The following TFDP2 variants were observed in gnomAD, a reference collection of about 807,000 sequenced individuals.
The protein encoded by TFDP2 is transcription factor Dp-2 (E2F dimerization partner 2).
TFDP2 carries 17 observed loss-of-function variants against 59.3 expected under a neutral mutation model. The observed-to-expected ratio is 0.29, with a 90% CI of 0.20 to 0.43. The LOEUF (loss-of-function observed/expected upper bound fraction) is 0.43, where lower values mean the gene tolerates loss of function less well. TFDP2 is among the 20% of genes least tolerant of loss of function. The pLI is 1.00. For synonymous variants in TFDP2, 180 were observed against 194.7 expected (o/e 0.92, Z 0.63); for missense variants, 391 against 528.8 (o/e 0.74, Z 2.56).
chr3:142,025,315 A>G (rs752563885), intron 3 of TFDP2, among the ~76,000 whole-genome samples: 5 of 152,222 alleles, frequency 3.3e-5, no homozygotes, highest in Non-Finnish European at 7.3e-5. Context: ...TTGACCACAC[A>G]TTCAATAATT....
At chr3:142,086,643 G>A (rs55871523) in intron 3 of TFDP2, among the ~76,000 whole-genome samples, 12,929 of 152,090 alleles carry the variant, frequency 0.085, 680 homozygotes, top group Middle Eastern at 0.14. Flanking sequence ...GTTGGGGTGT[G>A]CCACCCTCCT....
intron 3 of TFDP2, among the ~76,000 whole-genome samples, chr3:142,075,734 GAAAAAA>G (rs530375441): frequency 1.1e-4 from 5 of 45,520 alleles, no homozygotes; most frequent in African/African-American, 3.0e-4. Context: ...TGTCTCTACA[GAAAAAA>G]AAAAAAAAAA....
At chr3:141,965,753 G>A (rs1408124058) in intron 9 of TFDP2, among the ~76,000 whole-genome samples, 2 of 151,934 alleles carry the variant, frequency 1.3e-5, no homozygotes, top group Non-Finnish European at 2.9e-5. Flanking sequence ...ACCTAAGTGT[G>A]TCCAAAAATC....
At chr3:141,957,738 A>G (rs1433822120) in intron 11 of TFDP2, among the ~76,000 whole-genome samples, 1 of 152,238 alleles carries the variant, frequency 6.6e-6, no homozygotes, top group Admixed American at 6.5e-5. Flanking sequence ...GTAGGGTTCC[A>G]TTCACATAAA....
intron 3 of TFDP2, among the ~76,000 whole-genome samples, chr3:142,020,496 T>C (rs895636302): frequency 3.4e-5 from 5 of 148,628 alleles, no homozygotes; most frequent in African/African-American, 5.0e-5. Context: ...GATGGTGCCA[T>C]TGCACTCCAG....
At chr3:142,114,148 A>G (rs1195426640) in intron 1 of TFDP2, among the ~76,000 whole-genome samples, 1 of 151,996 alleles carries the variant, frequency 6.6e-6, no homozygotes, top group Non-Finnish European at 1.5e-5. Flanking sequence ...CCGGGCGACA[A>G]AGCGAGAATC....
At chr3:142,003,481 T>C (rs770481299) in intron 4 of TFDP2, among the ~76,000 whole-genome samples, 3 of 152,212 alleles carry the variant, frequency 2.0e-5, no homozygotes, top group Non-Finnish European at 2.9e-5. Flanking sequence ...GAAGCCCTCA[T>C]AGCTTAATCA....
intron 3 of TFDP2, among the ~76,000 whole-genome samples, chr3:142,061,891 C>CTCT (rs2059924106): frequency 0.027 from 148 of 5,420 alleles, 1 homozygote; most frequent in Non-Finnish European, 0.044. Context: ...TCTCTCTCTA[C>CTCT]ACACACACAC....
At chr3:142,029,473 TA>T (rs11349310) in intron 3 of TFDP2, among the ~76,000 whole-genome samples, 6,879 of 144,970 alleles carry the variant, frequency 0.047, 165 homozygotes, top group South Asian at 0.074. Flanking sequence ...GGTTTTTTTT[TA>T]AATGACTAAT....
chr3:141,972,597 T>C (rs1291442382), intron 8 of TFDP2, among the ~76,000 whole-genome samples: 1 of 152,162 alleles, frequency 6.6e-6, no homozygotes, highest in Non-Finnish European at 1.5e-5. Context: ...TCCCCACCCT[T>C]ATCCACTTGG....
intron 3 of TFDP2, among the ~76,000 whole-genome samples, chr3:142,027,717 A>G (rs996063755): frequency 4.6e-5 from 7 of 152,250 alleles, no homozygotes; most frequent in Non-Finnish European, 7.3e-5. Flanking sequence ...CTTCAAGGGT[A>G]TAATTGAAAT....
intron 7 of TFDP2, among the ~76,000 whole-genome samples, 176 bp downstream of exon 7, chr3:141,978,344 A>G (rs1243535987): frequency 7.7e-6 from 1 of 129,944 alleles, no homozygotes; most frequent in African/African-American, 3.2e-5. Flanking sequence ...GGTTCCGCCT[A>G]AAAAACAAAA....
chr3:142,037,426 A>G (rs906950952), intron 3 of TFDP2, among the ~76,000 whole-genome samples: 1 of 152,202 alleles, frequency 6.6e-6, no homozygotes, highest in African/African-American at 2.4e-5. Context: ...CTTTTATTAT[A>G]GATAAGGTGG....
intron 7 of TFDP2, among the ~76,000 whole-genome samples, chr3:141,975,932 GTGCAGTGGTGAGAT>G (rs1940575148): frequency 6.6e-6 from 1 of 151,954 alleles, no homozygotes; most frequent in Admixed American, 6.6e-5. Flanking sequence ...CCAGGCTGGA[GTGCAGTGGTGAGAT>G]CTCAGCTCAC....
intron 4 of TFDP2, chr3:142,000,211 A>C (rs1943648766): frequency 1.4e-6 from 1 of 698,260 alleles, no homozygotes; most frequent in African/African-American, 1.8e-5. Flanking sequence ...CAAGGAGTAC[A>C]AAACTGGGTA....
At chr3:142,130,303 T>C (rs2062446976) in intron 1 of TFDP2, among the ~76,000 whole-genome samples, 1 of 152,104 alleles carries the variant, frequency 6.6e-6, no homozygotes, top group Non-Finnish European at 1.5e-5. Flanking sequence ...ATTGATGAAC[T>C]GTGAGGACAT....
chr3:141,974,790 A>G (rs1280717576), intron 7 of TFDP2, among the ~76,000 whole-genome samples: 1 of 151,986 alleles, frequency 6.6e-6, no homozygotes, highest in Non-Finnish European at 1.5e-5. Context: ...TTCCTTGACC[A>G]CTGCTGATCT....
At chr3:141,994,970 G>T in intron 5 of TFDP2, 50 bp downstream of exon 5, 1 of 1,449,670 alleles carries the variant, frequency 6.9e-7, no homozygotes, top group Non-Finnish European at 9.2e-7. Flanking sequence ...AGAAAAAAAT[G>T]TCTAAACTTT....
chr3:142,020,918 G>A (rs1310212146), intron 3 of TFDP2, among the ~76,000 whole-genome samples: 4 of 151,904 alleles, frequency 2.6e-5, no homozygotes, highest in Admixed American at 6.6e-5. Flanking sequence ...CCAGGAAGTC[G>A]AAGCTGCAGT....
Sources: allele counts gnomAD v4.1 joint callset (sites outside exome capture counted in the v4.1 genomes callset), GRCh38; gene constraint gnomAD v4.1.1; transcripts MANE v1.5; gene names NCBI Gene and HGNC (gene_info 2026-07-23, HGNC 2026-07-21).